Variants in AGMO observed in about 807,000 individuals in gnomAD.
The protein encoded by AGMO is alkylglycerol monooxygenase, also known as glyceryl-ether monooxygenase.
AGMO carries 75 observed loss-of-function variants against 60.2 expected under a neutral mutation model. The observed-to-expected ratio is 1.25, with a 90% CI of 1.03 to 1.51. AGMO has a LOEUF of 1.51. Among genes scored for constraint, AGMO ranks in the 40% most tolerant of loss-of-function variants. The probability of loss-of-function intolerance (pLI) is 0.00; values close to 1 mark genes in which losing one functional copy is unlikely to be tolerated. For synonymous variants in AGMO, 261 were observed against 177.1 expected, an observed-to-expected ratio of 1.47 and a Z score of -3.76; for missense variants, 763 against 525.5, an observed-to-expected ratio of 1.45 and a Z score of -4.42.
chr7:15,156,801 A>G, the AGMO span, among the ~76,000 whole-genome samples: 1 of 151,732 alleles, frequency 6.6e-6, no homozygotes, highest in Non-Finnish European at 1.5e-5. Context: ...AATCTATTTC[A>G]TGGCCCAGTC....
At chr7:15,276,777 G>A (rs182617573) in intron 12 of AGMO, among the ~76,000 whole-genome samples, 1 of 151,840 alleles carries the variant, frequency 6.6e-6, no homozygotes, top group African/African-American at 2.4e-5. Context: ...TAATTTGAAA[G>A]ACTAGTTTTC....
intron 12 of AGMO, among the ~76,000 whole-genome samples, chr7:15,346,482 T>C (rs565402424): frequency 3.9e-5 from 6 of 152,048 alleles, no homozygotes; most frequent in Non-Finnish European, 8.8e-5. Context: ...TTTAATCTTT[T>C]TTCATTAGGA....
the AGMO span, among the ~76,000 whole-genome samples, chr7:15,167,437 AT>A: frequency 1.3e-5 from 2 of 152,238 alleles, no homozygotes; most frequent in Admixed American, 1.3e-4. Flanking sequence ...CACAAGTAAC[AT>A]TCTGCAAGAG....
chr7:15,515,455 C>A lies in AGMO; in HGVS notation c.409+29317G>T, dbSNP rs147773657. Among the ~76,000 whole-genome samples, 413 of 152,314 alleles carry A rather than the reference C, an allele frequency of 2.7e-3. 1 individual carries two copies. The highest frequency in any genetic ancestry group is 8.9e-3 in the African/African-American group (370 of 41,576). On this transcript the variant is annotated intron_variant, in intron 3 of 12. Coordinates refer to ENST00000342526, the MANE Select transcript of AGMO (RefSeq NM_001004320.2). Reference sequence around the variant, plus strand: ...AGCCAAAGAAGTTCAACTTGAAATCCCAGAGCCCGTTAAATCCCTGGAATT... The same window carrying A: ...AGCCAAAGAAGTTCAACTTGAAATCACAGAGCCCGTTAAATCCCTGGAATT...
At chr7:15,495,970 C>A (rs1409696490) in intron 3 of AGMO, among the ~76,000 whole-genome samples, 1 of 152,084 alleles carries the variant, frequency 6.6e-6, no homozygotes, top group African/African-American at 2.4e-5. Flanking sequence ...TAATCTGAAT[C>A]TTGGTCACAC....
chr7:15,419,639 G>A (rs758011922), intron 4 of AGMO, among the ~76,000 whole-genome samples: 10 of 151,430 alleles, frequency 6.6e-5, no homozygotes. Flanking sequence ...TTTGAAACTT[G>A]TCATAAAAAT....
At position 15,548,097 on chromosome 7, in the gene AGMO, C is replaced by A. The variant is rs1232144433; in HGVS notation, c.258-3174G>T. On this transcript the variant is annotated intron_variant, in intron 2 of 12. Transcript: ENST00000342526. ...GCAGGGTATTCCAACAGACCTGCAG[C>A]TGACGGTCATGTCTGTTAGAAGGAA... 5.9e-5 allele frequency among the ~76,000 whole-genome samples: 9 copies of A among 152,190 alleles called. No homozygotes were observed. The East Asian group carries it at 1.4e-3, about 23-fold the overall frequency.
intron 12 of AGMO, chr7:15,358,469 T>A (rs1246809653): frequency 2.1e-6 from 1 of 469,122 alleles, no homozygotes; most frequent in African/African-American, 2.0e-5. Context: ...TACGTACTAA[T>A]TAATGTTGGT....
intron 5 of AGMO, among the ~76,000 whole-genome samples, chr7:15,406,101 T>C (rs980399526): frequency 6.6e-6 from 1 of 151,716 alleles, no homozygotes; most frequent in African/African-American, 2.4e-5. Context: ...ACTTTGGTTC[T>C]TTATTTTCTG....
At chr7:15,396,456 G>C (rs992362350) in intron 5 of AGMO, 1 of 152,230 alleles carries the variant, frequency 6.6e-6, no homozygotes, top group East Asian at 1.9e-4. Context: ...CACACCTTCC[G>C]GGTGAGCATT....
chr7:15,259,389 C>T (rs1184071086), intron 12 of AGMO, among the ~76,000 whole-genome samples: 1 of 151,966 alleles, frequency 6.6e-6, no homozygotes, highest in Non-Finnish European at 1.5e-5. Flanking sequence ...TGAACAAAAC[C>T]TCCAGGAAGT....
chr7:15,323,205 G>A (rs1482469517), intron 12 of AGMO, among the ~76,000 whole-genome samples: 1 of 151,996 alleles, frequency 6.6e-6, no homozygotes. Context: ...TGCAGATGAA[G>A]AGCAAGATAA....
chr7:15,549,083 G>A (rs1236561912), intron 2 of AGMO, among the ~76,000 whole-genome samples: 1 of 150,190 alleles, frequency 6.7e-6, no homozygotes, highest in Non-Finnish European at 1.5e-5. Context: ...ATAAGCGAAG[G>A]AGAAATAAAA....
chr7:15,528,512 A>T (rs971549498), intron 3 of AGMO, among the ~76,000 whole-genome samples: 3 of 152,086 alleles, frequency 2.0e-5, no homozygotes, highest in African/African-American at 7.2e-5. Context: ...TTTTTTTGCC[A>T]AAAAATATTT....
chr7:15,512,824 T>C (rs1312955931), intron 3 of AGMO, among the ~76,000 whole-genome samples: 1 of 152,078 alleles, frequency 6.6e-6, no homozygotes, highest in Non-Finnish European at 1.5e-5. Flanking sequence ...TCTCTATGTT[T>C]GCTATCTTTT....
intron 12 of AGMO, among the ~76,000 whole-genome samples, chr7:15,325,636 TAACTC>T (rs966427349): frequency 1.9e-4 from 29 of 151,884 alleles, no homozygotes; most frequent in Admixed American, 7.9e-4. Flanking sequence ...ACAGAAAAAA[TAACTC>T]AAAACTTTAA....
intron 3 of AGMO, among the ~76,000 whole-genome samples, chr7:15,493,965 C>T (rs1257505465): frequency 2.0e-5 from 3 of 152,080 alleles, no homozygotes; most frequent in African/African-American, 4.8e-5. Flanking sequence ...TGGGGGTATC[C>T]ACCACCTCAT....
At position 15,477,632 on chromosome 7, in the gene AGMO, T is replaced by C. The variant is rs1782632311; in HGVS notation, c.410-46524A>G. Among the ~76,000 whole-genome samples, 3 of 152,140 alleles carry C rather than the reference T, an allele frequency of 2.0e-5. No homozygotes were observed. The South Asian group carries it at 6.2e-4, about 31-fold the overall frequency. On this transcript the variant is annotated intron_variant, in intron 3 of 12. Transcript: ENST00000342526. Reference sequence around the variant, plus strand: ...AAATACCAATGTGCAGGCAGTTCACTGATGTCCACTAAGCCAGTAAAGTAA... The same window carrying C: ...AAATACCAATGTGCAGGCAGTTCACCGATGTCCACTAAGCCAGTAAAGTAA...
At chr7:15,307,401 T>C (rs1308103552) in intron 12 of AGMO, among the ~76,000 whole-genome samples, 1 of 152,046 alleles carries the variant, frequency 6.6e-6, no homozygotes, top group Non-Finnish European at 1.5e-5. Flanking sequence ...AAAGTGACAG[T>C]GCCAGTGGTG....
Sources: allele counts gnomAD v4.1 joint callset (sites outside exome capture counted in the v4.1 genomes callset), GRCh38; gene constraint gnomAD v4.1.1; transcripts MANE v1.5; gene names NCBI Gene and HGNC (gene_info 2026-07-23, HGNC 2026-07-21).